Variants in EHBP1 observed in about 807,000 individuals in gnomAD.
The protein encoded by EHBP1 is EH domain-binding protein 1.
EHBP1 carries 55 observed loss-of-function variants against 144.0 expected under a neutral mutation model. The ratio of observed to expected loss-of-function variants is 0.38; its 90% CI spans 0.31 to 0.48. EHBP1 has a LOEUF of 0.48. EHBP1 is among the 20% of genes least tolerant of loss of function. EHBP1 has a pLI of 0.98. For synonymous variants in EHBP1, 469 were observed against 472.7 expected (o/e 0.99, Z 0.10); for missense variants, 1,200 against 1,364.2 (o/e 0.88, Z 1.90).
intron 15 of EHBP1, among the ~76,000 whole-genome samples, chr2:62,989,120 CTT>C (rs2059312868): frequency 6.6e-6 from 1 of 152,090 alleles, no homozygotes; most frequent in Non-Finnish European, 1.5e-5. Context: ...TTAAGGAAAA[CTT>C]TTAAATGTTT....
chr2:62,957,897 C>T (rs971105039), intron 14 of EHBP1, among the ~76,000 whole-genome samples: 5 of 151,918 alleles, frequency 3.3e-5, no homozygotes, highest in African/African-American at 7.3e-5. Flanking sequence ...CCGCCCGCCT[C>T]GGCCTCCCAA....
intron 10 of EHBP1, among the ~76,000 whole-genome samples, chr2:62,908,872 G>T (rs776443203): frequency 9.9e-5 from 15 of 152,044 alleles, no homozygotes; most frequent in Non-Finnish European, 1.9e-4. Context: ...TCTCTAGTCA[G>T]GTTTGTTTTG....
At chr2:62,935,874 C>G (rs1276032723) in intron 10 of EHBP1, among the ~76,000 whole-genome samples, 1 of 152,118 alleles carries the variant, frequency 6.6e-6, no homozygotes, top group Non-Finnish European at 1.5e-5. Context: ...ATTAAGTGCT[C>G]TTCTGCATCT....
chr2:62,858,946 A>T (rs1320376946), intron 7 of EHBP1, among the ~76,000 whole-genome samples: 1 of 152,184 alleles, frequency 6.6e-6, no homozygotes, highest in Admixed American at 6.5e-5. Flanking sequence ...ACAGTTCATT[A>T]TCTGACATAA....
Position 62,859,403 on chromosome 2 carries a change from AATG to A in EHBP1, c.757+115_757+117del, listed in dbSNP as rs1276744596. The A allele has an allele frequency of 8.6e-6, 9 of 1,043,710 alleles. No homozygotes were observed. In the African/African-American group the frequency reaches 9.6e-5, roughly 11 times the overall value. The allele number at this position is 1,043,710 out of a possible 1,614,324, so 64.7% of individuals were successfully genotyped here. ...TAACACACAAAAAATTATTGTTTATAATGATATTATTATTGTGTTCAATACCAC... is the reference window on the plus strand; with the variant it reads ...TAACACACAAAAAATTATTGTTTATAATATTATTATTGTGTTCAATACCAC... On this transcript the variant is annotated intron_variant, in intron 8 of 22. Coordinates refer to ENST00000431489, the MANE Select transcript of EHBP1 (RefSeq NM_001142616.3).
chr2:62,919,275 C>A (rs1315039506), intron 10 of EHBP1, among the ~76,000 whole-genome samples: 1 of 152,210 alleles, frequency 6.6e-6, no homozygotes, highest in Non-Finnish European at 1.5e-5. Flanking sequence ...TTCCGGGGGA[C>A]TTAAAGGGCA....
At chr2:62,775,590 G>A (rs1381234698) in intron 5 of EHBP1, among the ~76,000 whole-genome samples, 2 of 152,142 alleles carry the variant, frequency 1.3e-5, no homozygotes, top group Non-Finnish European at 2.9e-5. Flanking sequence ...TAGTAACAAA[G>A]AGTGAAGTTA....
At chr2:62,676,767 G>A (rs982501500) in intron 1 of EHBP1, among the ~76,000 whole-genome samples, 2 of 152,078 alleles carry the variant, frequency 1.3e-5, no homozygotes, top group African/African-American at 4.8e-5. Context: ...AAGGGCTATA[G>A]CCAAGTGCCA....
chr2:62,988,185 T>C, intron 15 of EHBP1: 1 of 549,364 alleles, frequency 1.8e-6, no homozygotes, highest in Non-Finnish European at 3.2e-6. Context: ...CCACCTTCCA[T>C]CAATTTTATG....
chr2:63,019,779 G>A (rs1008601505), intron 19 of EHBP1, among the ~76,000 whole-genome samples: 1 of 133,092 alleles, frequency 7.5e-6, no homozygotes, highest in African/African-American at 2.8e-5. Flanking sequence ...AGGAGGGGAG[G>A]AGAAGGGAAA....
chr2:62,690,669 A>G lies in EHBP1; in HGVS notation c.-295-16228A>G, dbSNP rs146676827. Among the ~76,000 whole-genome samples the G allele has an allele frequency of 2.0e-3, 306 of 152,334 alleles. 1 individual carries two copies. The highest frequency in any genetic ancestry group is 7.0e-3 in the African/African-American group (290 of 41,586). ...ATAAGGCTCTCATAACCAAGAATGG[A>G]TGGTTTTTAAACTTTGTCTCCTACC... is the stretch of plus-strand genomic sequence containing the variant. On this transcript the variant is annotated intron_variant, in intron 1 of 22. Transcript: ENST00000405015.
chr2:62,951,143 CCT>C (rs1259892882), intron 13 of EHBP1, among the ~76,000 whole-genome samples: 1 of 152,140 alleles, frequency 6.6e-6, no homozygotes, highest in East Asian at 1.9e-4. Context: ...CTCAAATAGT[CCT>C]CAAGTGGTGT....
At chr2:62,943,030 A>G in intron 11 of EHBP1, 134 bp downstream of exon 11, 1 of 663,396 alleles carries the variant, frequency 1.5e-6, no homozygotes, top group Non-Finnish European at 2.4e-6. Flanking sequence ...CTTTTGAGAG[A>G]TATATGTCAG....
intron 5 of EHBP1, among the ~76,000 whole-genome samples, chr2:62,793,057 T>C (rs1279651368): frequency 6.6e-6 from 1 of 152,148 alleles, no homozygotes; most frequent in African/African-American, 2.4e-5. Context: ...TTGATTTTAA[T>C]TTAGCATTTT....
chr2:62,950,283 G>A (rs1368031529), intron 13 of EHBP1, among the ~76,000 whole-genome samples: 1 of 152,034 alleles, frequency 6.6e-6, no homozygotes, highest in East Asian at 1.9e-4. Context: ...TAATACTAGG[G>A]CATTGTTTGC....
At chr2:62,824,141 T>C (rs2046178163) in intron 5 of EHBP1, among the ~76,000 whole-genome samples, 1 of 152,042 alleles carries the variant, frequency 6.6e-6, no homozygotes, top group Non-Finnish European at 1.5e-5. Flanking sequence ...CAGAATATGA[T>C]AAAAAATCTA....
At chr2:62,699,717 G>A (rs1374393920) in intron 1 of EHBP1, among the ~76,000 whole-genome samples, 1 of 152,188 alleles carries the variant, frequency 6.6e-6, no homozygotes, top group African/African-American at 2.4e-5. Context: ...CACACTGAAT[G>A]TCCACACTTT....
chr2:62,861,726 AGT>A (rs2049568223), intron 8 of EHBP1, among the ~76,000 whole-genome samples: 1 of 151,326 alleles, frequency 6.6e-6, no homozygotes, highest in Admixed American at 6.6e-5. Flanking sequence ...TGGGCGACAG[AGT>A]GAGTGAAACT....
chr2:63,041,044 A>G (rs931177212), intron 21 of EHBP1, among the ~76,000 whole-genome samples: 4 of 152,204 alleles, frequency 2.6e-5, no homozygotes, highest in Non-Finnish European at 5.9e-5. Context: ...TAATAAATAA[A>G]CTAAAATCTT....
Sources: allele counts gnomAD v4.1 joint callset (sites outside exome capture counted in the v4.1 genomes callset), GRCh38; gene constraint gnomAD v4.1.1; transcripts MANE v1.5; gene names NCBI Gene and HGNC (gene_info 2026-07-23, HGNC 2026-07-21).